C10orf88: variants seen among roughly 807,000 people sequenced by gnomAD.
C10orf88 encodes the protein chromosome 10 open reading frame 88, also known as ATPase PAAT.
Under a neutral mutation model 34.2 loss-of-function variants are expected in C10orf88, and 29 were observed. That is an observed-to-expected ratio of 0.85 (90% CI 0.63 to 1.16). C10orf88 has a LOEUF of 1.16. Ranked by LOEUF, C10orf88 falls within the 50% of genes most tolerant of loss-of-function variation. The pLI is 0.00. For missense variants in C10orf88, 507 were observed against 533.2 expected (o/e 0.95, Z 0.48); for synonymous variants, 194 against 197.4 (o/e 0.98, Z 0.15).
Position 122,931,257 on chromosome 10 carries a change from G to C in C10orf88, c.*1170C>G, listed in dbSNP as rs1316583196. The C allele has an allele frequency of 6.6e-6, 1 of 152,102 alleles. No individual in the cohort carries two copies. The highest frequency in any genetic ancestry group is 1.5e-5 in the Non-Finnish European group (1 of 68,020). 9.4% of individuals were successfully genotyped at this position (152,102 alleles called of 1,614,324 possible). A position where few individuals can be genotyped will look rare whatever the true frequency, so the allele number is the denominator to read the frequency against. ...AGTCGTTTGGTCAGCTATCGTGGTT[G>C]TAACCAGTCTCCTCTGGACTGGTTA... On this transcript the variant is annotated 3_prime_UTR_variant, in exon 6 of 6. Coordinates refer to ENST00000481909, the MANE Select transcript of C10orf88 (RefSeq NM_024942.4).
intron 4 of C10orf88, among the ~76,000 whole-genome samples, chr10:122,941,266 T>G (rs1458562597): frequency 6.6e-6 from 1 of 152,076 alleles, no homozygotes; most frequent in African/African-American, 2.4e-5. Context: ...TCTAAATTGC[T>G]AAAGCAAAAG....
At chr10:122,941,121 G>GA (rs1201439156) in intron 4 of C10orf88, among the ~76,000 whole-genome samples, 1 of 151,846 alleles carries the variant, frequency 6.6e-6, no homozygotes, top group African/African-American at 2.4e-5. Flanking sequence ...TTTTGAAGGA[G>GA]AAAAAAGCAA....
At chr10:122,938,441 G>A (rs1001241354) in intron 4 of C10orf88, among the ~76,000 whole-genome samples, 1 of 151,958 alleles carries the variant, frequency 6.6e-6, no homozygotes, top group African/African-American at 2.4e-5. Flanking sequence ...TTTCCCAAAA[G>A]AAATTAAATA....
At chr10:122,944,081 T>C (rs1012960311) in intron 4 of C10orf88, among the ~76,000 whole-genome samples, 4 of 151,984 alleles carry the variant, frequency 2.6e-5, no homozygotes, top group African/African-American at 7.3e-5. Context: ...CACACATATA[T>C]TTATTGTGGC....
chr10:122,954,000 G>T lies in C10orf88; in HGVS notation c.164+15C>A. Reference sequence around the variant, plus strand: ...TGCCGAGCATAGCGACCCCGTCCCCGTCGGCCCGGCGCACCCTGGAGCAGG... The same window carrying T: ...TGCCGAGCATAGCGACCCCGTCCCCTTCGGCCCGGCGCACCCTGGAGCAGG... On this transcript the variant is annotated intron_variant, in intron 1 of 5. Transcript: ENST00000481909. 2.7e-6 allele frequency: 4 copies of T among 1,508,576 alleles called. No homozygotes were observed. The South Asian group carries it at 4.9e-5, about 18-fold the overall frequency. 93.4% of individuals were successfully genotyped at this position (1,508,576 alleles called of 1,614,324 possible). A position where few individuals can be genotyped will look rare whatever the true frequency, so the allele number is the denominator to read the frequency against.
At position 122,931,470 on chromosome 10, in the gene C10orf88, G is replaced by C. The variant is rs2133325597; in HGVS notation, c.*957C>G. 1 of 152,244 alleles carries C rather than the reference G, an allele frequency of 6.6e-6. No individual in the cohort carries two copies. The highest frequency in any genetic ancestry group is 2.1e-4 in the South Asian group (1 of 4,824). 9.4% of individuals were successfully genotyped at this position (152,244 alleles called of 1,614,324 possible). ...AATAAGACATTTGAAGTAAAGATTA[G>C]TTGAAATAAAACAGTTCTACTAACT... is the stretch of plus-strand genomic sequence containing the variant. On this transcript the variant is annotated 3_prime_UTR_variant, in exon 6 of 6. Transcript: ENST00000481909.
In C10orf88 at chr10:122,952,033, AT is replaced by A. The variant is rs1364007326; in HGVS notation, c.369-8del. ...AATGATCTTTTCATGTTCACTAAAA[AT>A]AAAAAAGAATTAATTTTTTTTACTT... On this transcript the variant is annotated splice_region_variant and splice_polypyrimidine_tract_variant and intron_variant, in intron 2 of 5. Coordinates refer to ENST00000481909, the MANE Select transcript of C10orf88 (RefSeq NM_024942.4). The A allele has an allele frequency of 7.4e-7, 1 of 1,352,054 alleles. No individual in the cohort carries two copies. The highest frequency in any genetic ancestry group is 1.5e-5 in the African/African-American group (1 of 67,606). The allele number at this position is 1,352,054 out of a possible 1,614,324, so 83.8% of individuals were successfully genotyped here. A position where few individuals can be genotyped will look rare whatever the true frequency, so the allele number is the denominator to read the frequency against.
chr10:122,934,982 C>A (rs986941308), intron 5 of C10orf88, among the ~76,000 whole-genome samples: 1 of 151,884 alleles, frequency 6.6e-6, no homozygotes. Context: ...TATTCTTTTG[C>A]CCATGGTTTA....
At chr10:122,941,097 TAA>T (rs1486038375) in intron 4 of C10orf88, among the ~76,000 whole-genome samples, 1 of 152,078 alleles carries the variant, frequency 6.6e-6, no homozygotes, top group Non-Finnish European at 1.5e-5. Context: ...AATTAAATAA[TAA>T]AGTCATTTTT....
chr10:122,954,151 G>A lies in C10orf88; in HGVS notation c.28C>T (p.Leu10Phe), dbSNP rs1466299867. The A allele has an allele frequency of 6.3e-7, 1 of 1,581,224 alleles. No individual in the cohort carries two copies. The highest frequency in any genetic ancestry group is 2.4e-5 in the East Asian group (1 of 41,460). METRTEDGG[L>F]TRRPTLASSW... is the part of the protein sequence containing the mutation. Reference sequence around the variant, plus strand: ...GAGGCCAGCGTGGGGCGGCGGGTGAGGCCCCCGTCCTCGGTCCGCGTCTCC... The same window carrying A: ...GAGGCCAGCGTGGGGCGGCGGGTGAAGCCCCCGTCCTCGGTCCGCGTCTCC... The change falls in exon 1 of 6, where the codon CTC (leucine) becomes TTC (phenylalanine). Residue 10 changes from leucine (L) to phenylalanine (F), a missense_variant. Transcript: ENST00000481909.
chr10:122,932,238 A>G lies in C10orf88; in HGVS notation c.*189T>C, dbSNP rs1342507058. ...TGAGCAAAAATAATTTGACTGTATC[A>G]TATTAACTCAGTGTACAGTACTGGA... is the stretch of plus-strand genomic sequence containing the variant. On this transcript the variant is annotated 3_prime_UTR_variant, in exon 6 of 6. Transcript: ENST00000481909. 6.4e-6 allele frequency: 3 copies of G among 471,136 alleles called. No individual in the cohort carries two copies. Among genetic ancestry groups the G allele is most frequent in the African/African-American group, 1.9e-5 (1 of 51,778 alleles). The allele number at this position is 471,136 out of a possible 1,614,324, so 29.2% of individuals were successfully genotyped here.
intron 4 of C10orf88, among the ~76,000 whole-genome samples, chr10:122,943,967 C>G (rs200126111): frequency 2.6e-5 from 4 of 151,704 alleles, no homozygotes; most frequent in African/African-American, 9.7e-5. Context: ...GTCAGTGTGG[C>G]GATTCCTCAG....
chr10:122,938,939 C>T (rs1355777857), intron 4 of C10orf88, among the ~76,000 whole-genome samples: 1 of 151,964 alleles, frequency 6.6e-6, no homozygotes, highest in Non-Finnish European at 1.5e-5. Context: ...AGGCATATGG[C>T]TCCACTCTAA....
At chr10:122,940,375 G>A (rs1848571233) in intron 4 of C10orf88, among the ~76,000 whole-genome samples, 2 of 151,942 alleles carry the variant, frequency 1.3e-5, no homozygotes, top group African/African-American at 4.8e-5. Context: ...CTCAGAAACA[G>A]AGAGTAGAAT....
chr10:122,948,975 G>C, intron 3 of C10orf88, 120 bp from the exon 4 acceptor site: 1 of 911,426 alleles, frequency 1.1e-6, no homozygotes, highest in South Asian at 1.9e-5. Context: ...TTAACTTCAA[G>C]TATATTTTAA....
At chr10:122,935,349 C>T (rs1169959317) in intron 5 of C10orf88, among the ~76,000 whole-genome samples, 2 of 151,934 alleles carry the variant, frequency 1.3e-5, no homozygotes, top group African/African-American at 4.8e-5. Flanking sequence ...AGATTTAAGT[C>T]ACAATTCATT....
At chr10:122,947,280 C>T (rs1195398063) in intron 4 of C10orf88, among the ~76,000 whole-genome samples, 3 of 152,126 alleles carry the variant, frequency 2.0e-5, no homozygotes, top group Admixed American at 2.0e-4. Flanking sequence ...ACTGGTACTA[C>T]ATTAATATTT....
At position 122,941,012 on chromosome 10, in the gene C10orf88, G is replaced by A. The variant is rs191127789; in HGVS notation, c.649-2853C>T. On this transcript the variant is annotated intron_variant, in intron 4 of 5. Coordinates refer to ENST00000481909, the MANE Select transcript of C10orf88 (RefSeq NM_024942.4). The stretch of plus-strand genomic sequence containing the variant: ...TAGTTTATCTTTAAATATATTGTAG[G>A]ATTTAGGAAAGTATGAATTTCCTAT... Among the ~76,000 whole-genome samples the A allele has an allele frequency of 6.6e-5, 10 of 152,042 alleles. No individual in the cohort carries two copies. In the East Asian group the frequency reaches 9.6e-4, roughly 15 times the overall value.
At chr10:122,950,116 A>G (rs969064810) in intron 3 of C10orf88, among the ~76,000 whole-genome samples, 1 of 152,250 alleles carries the variant, frequency 6.6e-6, no homozygotes, top group African/African-American at 2.4e-5. Context: ...TTAGAATCAG[A>G]CAAACCTAAG....
Sources: allele counts gnomAD v4.1 joint callset (sites outside exome capture counted in the v4.1 genomes callset), GRCh38; gene constraint gnomAD v4.1.1; transcripts MANE v1.5; gene names NCBI Gene and HGNC (gene_info 2026-07-23, HGNC 2026-07-21).